The following COL27A1 variants were observed in gnomAD, a reference collection of about 807,000 sequenced individuals.
COL27A1 encodes the protein collagen type XXVII alpha 1 chain, also known as collagen alpha-1(XXVII) chain.
COL27A1 carries 106 observed loss-of-function variants against 251.3 expected under a neutral mutation model. That is an observed-to-expected ratio of 0.42 (90% CI 0.36 to 0.50). The LOEUF is 0.50. Ranked by LOEUF, COL27A1 falls within the 20% of genes least tolerant of loss-of-function variation. COL27A1 has a pLI of 0.00. For missense variants in COL27A1, 2,325 were observed against 2,522.8 expected (o/e 0.92, Z 1.68); for synonymous variants, 1,000 against 986.3 (o/e 1.01, Z -0.26).
chr9:114,263,074 G>A (rs1025326973), intron 28 of COL27A1, among the ~76,000 whole-genome samples: 1 of 151,764 alleles, frequency 6.6e-6, no homozygotes, highest in Non-Finnish European at 1.5e-5. Flanking sequence ...GAGTAGCTGG[G>A]ACTACAGGCA....
chr9:114,303,812 A>C (rs1014710429), intron 56 of COL27A1, among the ~76,000 whole-genome samples: 1 of 152,180 alleles, frequency 6.6e-6, no homozygotes, highest in Non-Finnish European at 1.5e-5. Flanking sequence ...TTGGGAGTGC[A>C]AAGTTATATT....
intron 27 of COL27A1, among the ~76,000 whole-genome samples, chr9:114,254,884 A>G (rs2135543915): frequency 6.6e-6 from 1 of 152,288 alleles, no homozygotes. Flanking sequence ...CATTCTCTCC[A>G]TCATTAACAG....
chr9:114,273,064 A>C (rs1448223273), intron 36 of COL27A1: 1 of 152,224 alleles, frequency 6.6e-6, no homozygotes, highest in South Asian at 2.1e-4. Flanking sequence ...ACTGTTCTGC[A>C]TGAGATTCAC....
Position 114,269,278 on chromosome 9 carries a change from G to A in COL27A1, c.3539G>A (p.Gly1180Asp). 1.2e-6 allele frequency: 2 copies of A among 1,608,304 alleles called. No individual in the cohort carries two copies. The highest frequency in any genetic ancestry group is 1.7e-6 in the Non-Finnish European group (2 of 1,176,928). The change falls in exon 35 of 61, where the codon GGC becomes GAC. Residue 1180 changes from glycine to aspartate, a missense_variant. By Grantham distance (94) the Gly-to-Asp change is moderately conservative. Transcript: ENST00000356083. ...CCCCTGGGCACTCCTGGGGAGCAGG[G>A]CCTCATTGGGCAACGGGTAAGTTGA... ...LGPLGTPGEQ[G>D]LIGQRGEPGL...
chr9:114,277,462 GT>G (rs1359302922), intron 37 of COL27A1, among the ~76,000 whole-genome samples: 1 of 152,162 alleles, frequency 6.6e-6, no homozygotes, highest in African/African-American at 2.4e-5. Flanking sequence ...TCTTGACACT[GT>G]TTTTCCCCCC....
intron 59 of COL27A1, 45 bp downstream of exon 59, chr9:114,307,823 T>C: frequency 4.9e-6 from 7 of 1,440,828 alleles, no homozygotes; most frequent in Non-Finnish European, 6.8e-6. Context: ...TCTGCCTCTA[T>C]CCCCAGCCTG....
At chr9:114,289,523 G>A (rs1369185680) in intron 45 of COL27A1, among the ~76,000 whole-genome samples, 2 of 152,178 alleles carry the variant, frequency 1.3e-5, no homozygotes, top group African/African-American at 4.8e-5. Flanking sequence ...TCCAGGAGGG[G>A]AGCCAACTGC....
chr9:114,260,889 G>T (rs1564537817), intron 28 of COL27A1, among the ~76,000 whole-genome samples: 1 of 152,088 alleles, frequency 6.6e-6, no homozygotes, highest in Non-Finnish European at 1.5e-5. Context: ...CTTCCGAGGG[G>T]GTCGTAAGGA....
intron 5 of COL27A1, among the ~76,000 whole-genome samples, chr9:114,190,556 C>A (rs893344015): frequency 3.3e-5 from 5 of 152,308 alleles, no homozygotes; most frequent in African/African-American, 7.2e-5. Context: ...GCATGAGCCA[C>A]CATGCCTGGC....
chr9:114,275,133 A>C (rs1835409628), intron 36 of COL27A1, among the ~76,000 whole-genome samples: 1 of 149,036 alleles, frequency 6.7e-6, no homozygotes, highest in Non-Finnish European at 1.5e-5. Context: ...GCATGGTGGC[A>C]TGTGCCTGTA....
chr9:114,289,969 C>T, intron 45 of COL27A1, 89 bp from the exon 46 acceptor site: 1 of 1,423,260 alleles, frequency 7.0e-7, no homozygotes. Context: ...ACCCAGGGGC[C>T]CACAATCCTC....
At chr9:114,258,468 C>T (rs1834095874) in intron 27 of COL27A1, 73 bp from the exon 28 acceptor site, 2 of 1,474,738 alleles carry the variant, frequency 1.4e-6, no homozygotes, top group East Asian at 2.4e-5. Context: ...AGCTTTGCCC[C>T]ACACTCCCAG....
intron 36 of COL27A1, chr9:114,271,728 C>G (rs1275416055): frequency 6.6e-6 from 1 of 152,610 alleles, no homozygotes; most frequent in Non-Finnish European, 1.5e-5. Context: ...GGCCGGTCAC[C>G]CTGTGCAAGT....
intron 7 of COL27A1, among the ~76,000 whole-genome samples, 167 bp downstream of exon 7, chr9:114,196,179 T>C (rs186518258): frequency 1.1e-4 from 17 of 152,338 alleles, no homozygotes; most frequent in Admixed American, 5.9e-4. Context: ...GGGTTGTGCC[T>C]GTTGAGGGCA....
chr9:114,175,130 G>A (rs1158632105), intron 3 of COL27A1, among the ~76,000 whole-genome samples: 1 of 36,804 alleles, frequency 2.7e-5, no homozygotes, highest in African/African-American at 1.3e-4. Flanking sequence ...CAGAGGCCAG[G>A]ACCCTTGGGG....
At chr9:114,230,481 G>C (rs1018435328) in intron 14 of COL27A1, among the ~76,000 whole-genome samples, 4 of 152,282 alleles carry the variant, frequency 2.6e-5, no homozygotes, top group African/African-American at 9.6e-5. Flanking sequence ...TTCTCACCTT[G>C]GACCGGCTGA....
intron 4 of COL27A1, among the ~76,000 whole-genome samples, chr9:114,182,573 AG>A (rs143624208): frequency 0.022 from 3,327 of 152,178 alleles, 87 homozygotes; most frequent in East Asian, 0.13. Flanking sequence ...GGAAATGCAT[AG>A]CTAAGTGTGG....
At chr9:114,219,757 C>T in intron 12 of COL27A1, 34 bp from the exon 13 acceptor site, 4 of 1,524,556 alleles carry the variant, frequency 2.6e-6, no homozygotes, top group Non-Finnish European at 3.6e-6. Flanking sequence ...ACAACACTAA[C>T]CTACAGATGT....
At chr9:114,276,762 T>C (rs1383289045) in intron 37 of COL27A1, among the ~76,000 whole-genome samples, 1 of 152,244 alleles carries the variant, frequency 6.6e-6, no homozygotes, top group African/African-American at 2.4e-5. Context: ...GCATCTTCCC[T>C]GGGCCAGGTC....
Sources: gnomAD v4.1 joint callset for allele counts (sites outside exome capture counted in the v4.1 genomes callset) on GRCh38, gnomAD v4.1.1 for gene constraint, MANE v1.5 for transcripts, NCBI Gene and HGNC (gene_info 2026-07-23, HGNC 2026-07-21) for gene names.